MBIP: variants seen among roughly 807,000 people sequenced by gnomAD.
MBIP encodes MAP3K12 binding inhibitory protein 1.
Under a neutral mutation model 45.7 loss-of-function variants are expected in MBIP, and 32 were observed. That is an observed-to-expected ratio of 0.70 (90% CI 0.53 to 0.94). The LOEUF is 0.94. Ranked by LOEUF, MBIP falls within the 40% of genes least tolerant of loss-of-function variation. The pLI is 0.00. For missense variants in MBIP, 381 were observed against 405.5 expected, an observed-to-expected ratio of 0.94 and a Z score of 0.52; for synonymous variants, 145 against 141.0, an observed-to-expected ratio of 1.03 and a Z score of -0.20.
chr14:36,304,486 T>G (rs1383759356), intron 7 of MBIP, among the ~76,000 whole-genome samples: 2 of 152,212 alleles, frequency 1.3e-5, no homozygotes, highest in Non-Finnish European at 2.9e-5. Context: ...TACTTACTGT[T>G]TTCAAGTATC....
Position 36,314,518 on chromosome 14 carries a change from T to C in MBIP, c.565A>G (p.Asn189Asp). The C allele has an allele frequency of 2.5e-6, 4 of 1,602,064 alleles. No individual in the cohort carries two copies. Among genetic ancestry groups the C allele is most frequent in the Non-Finnish European group, 3.4e-6 (4 of 1,174,188 alleles). Residue 189 changes from asparagine to aspartate, a missense_variant, in exon 4 of 9, where the codon AAT becomes GAT. By Grantham distance (23) the Asn-to-Asp change is conservative. Transcript: ENST00000416007. ...TTAATTTCCAGGTAGTTACCTTGAT[T>C]ACAATCAATAACATTGCAAAATTCC... ...VREFCNVIDC[N>D]QENSCARTDA...
intron 4 of MBIP, 29 bp downstream of exon 4, chr14:36,314,479 AAACC>A: frequency 7.2e-7 from 1 of 1,398,558 alleles, no homozygotes; most frequent in Non-Finnish European, 9.9e-7. Context: ...ATTGTGCTTA[AAACC>A]CTATGAAAAT....
At position 36,314,608 on chromosome 14, in the gene MBIP, T is replaced by C; in HGVS notation, c.475A>G (p.Ile159Val). ...ATAAATGCAGATATTCGTCTGTCAA[T>C]CTACAAACAACAAGTTTTAACAGTG... ...VVQIKAGKAE[I>V]DRRISAFIER... The change falls in exon 4 of 9, where the codon ATT becomes GTT. Residue 159 changes from isoleucine to valine, a missense_variant and splice_region_variant. Transcript: ENST00000416007. The C allele has an allele frequency of 1.2e-6, 2 of 1,610,004 alleles. No homozygotes were observed. Among genetic ancestry groups the C allele is most frequent in the Admixed American group, 1.7e-5 (1 of 59,402 alleles).
At chr14:36,304,190 G>A (rs1392544489) in intron 7 of MBIP, among the ~76,000 whole-genome samples, 1 of 152,004 alleles carries the variant, frequency 6.6e-6, no homozygotes, top group East Asian at 1.9e-4. Flanking sequence ...CCCCTCCCCC[G>A]ATACTTCCCT....
rs79987603 is a variant in MBIP, at chr14:36,300,830, TA to T, written c.889-8del. On this transcript the variant is annotated splice_polypyrimidine_tract_variant and splice_region_variant and intron_variant, in intron 7 of 8. Coordinates refer to ENST00000416007, the MANE Select transcript of MBIP (RefSeq NM_016586.3). ...TTCTTTTTCCAGAAAAGCTCTAGATTAAAAAAAAAAAGGTAATGTTTAGAAA... is the reference window on the plus strand; with the variant it reads ...TTCTTTTTCCAGAAAAGCTCTAGATTAAAAAAAAAAGGTAATGTTTAGAAA... 90,194 of 1,039,586 alleles carry T rather than the reference TA, an allele frequency of 0.087. 1 individual carries two copies. The highest frequency in any genetic ancestry group is 0.13 in the South Asian group (6,730 of 53,414). The allele number at this position is 1,039,586 out of a possible 1,614,324, so 64.4% of individuals were successfully genotyped here. A position where few individuals can be genotyped will look rare whatever the true frequency, so the allele number is the denominator to read the frequency against.
intron 1 of MBIP, among the ~76,000 whole-genome samples, chr14:36,319,071 C>G (rs1291831506): frequency 6.6e-6 from 1 of 151,962 alleles, no homozygotes. Context: ...TTTACTTGTA[C>G]AGTACTTGAA....
chr14:36,301,282 A>G lies in MBIP; in HGVS notation c.889-459T>C, dbSNP rs17104332. The stretch of plus-strand genomic sequence containing the variant: ...ACACACCCTGGACTGACTATAGTAG[A>G]CACTGTGGTTGTTTATGCAAGCAGC... On this transcript the variant is annotated intron_variant, in intron 7 of 8. Coordinates refer to ENST00000416007, the MANE Select transcript of MBIP (RefSeq NM_016586.3). Among the ~76,000 whole-genome samples, 442 of 152,314 alleles carry G rather than the reference A, an allele frequency of 2.9e-3. 2 individuals carry two copies. The highest frequency in any genetic ancestry group is 0.01 in the African/African-American group (428 of 41,570).
intron 7 of MBIP, among the ~76,000 whole-genome samples, chr14:36,302,457 A>T (rs1262426182): frequency 7.0e-6 from 1 of 142,166 alleles, no homozygotes; most frequent in Non-Finnish European, 1.5e-5. Context: ...GCACCACTGC[A>T]CTCCAGCCTG....
chr14:36,299,642 T>G (rs1879417504), intron 8 of MBIP, among the ~76,000 whole-genome samples: 1 of 151,900 alleles, frequency 6.6e-6, no homozygotes, highest in Non-Finnish European at 1.5e-5. Context: ...ACCCTTGAGC[T>G]TAAGTAAAAG....
intron 2 of MBIP, among the ~76,000 whole-genome samples, chr14:36,315,769 A>C (rs1880531454): frequency 6.6e-6 from 1 of 152,134 alleles, no homozygotes; most frequent in Non-Finnish European, 1.5e-5. Flanking sequence ...TTTCCCACAA[A>C]GTCAATGAAT....
intron 5 of MBIP, 32 bp from the exon 6 acceptor site, chr14:36,311,757 T>A: frequency 6.5e-7 from 1 of 1,537,860 alleles, no homozygotes; most frequent in Non-Finnish European, 8.8e-7. Context: ...CCTATATACA[T>A]TTGTATTTCA....
chr14:36,308,908 G>A (rs535502543), intron 6 of MBIP, among the ~76,000 whole-genome samples: 1 of 152,078 alleles, frequency 6.6e-6, no homozygotes, highest in Admixed American at 6.5e-5. Context: ...ATATAAGTTA[G>A]ATCACATCAT....
Position 36,298,852 on chromosome 14 carries a change from C to T in MBIP, c.*231G>A, listed in dbSNP as rs1879356530. The T allele has an allele frequency of 5.5e-6, 2 of 361,108 alleles. No individual in the cohort carries two copies. The highest frequency in any genetic ancestry group is 1.0e-5 in the Non-Finnish European group (2 of 200,284). The allele number at this position is 361,108 out of a possible 1,614,324, so 22.4% of individuals were successfully genotyped here. On this transcript the variant is annotated 3_prime_UTR_variant, in exon 9 of 9. Transcript: ENST00000416007. ...AGTTTTTCAATTTCCAAAATACCTCCTTTAAAACAGAAGGGAATAAATTCC... is the reference window on the plus strand; with the variant it reads ...AGTTTTTCAATTTCCAAAATACCTCTTTTAAAACAGAAGGGAATAAATTCC...
chr14:36,314,971 C>G (rs756593868), intron 2 of MBIP, 56 bp from the exon 3 acceptor site: 1 of 977,926 alleles, frequency 1.0e-6, no homozygotes, highest in South Asian at 1.4e-5. Context: ...ATTAATTACA[C>G]ACTTAATATA....
At position 36,316,962 on chromosome 14, in the gene MBIP, T is replaced by A. The variant is rs1880612259; in HGVS notation, c.130-150A>T. 4 of 709,696 alleles carry A rather than the reference T, an allele frequency of 5.6e-6. No homozygotes were observed. In the South Asian group the frequency reaches 1.2e-4, roughly 21 times the overall value. 44.0% of individuals were successfully genotyped at this position (709,696 alleles called of 1,614,324 possible). On this transcript the variant is annotated intron_variant, in intron 1 of 8. Coordinates refer to ENST00000416007, the MANE Select transcript of MBIP (RefSeq NM_016586.3). ...TAATACACTGAAATGCTCTACCCAG[T>A]TACCATTTCAAAAGGCCAAGAAAGC...
chr14:36,312,535 A>G (rs1294178574), intron 4 of MBIP, among the ~76,000 whole-genome samples: 2 of 152,108 alleles, frequency 1.3e-5, no homozygotes, highest in African/African-American at 4.8e-5. Flanking sequence ...TTTCCACTCT[A>G]CCTAGATTTC....
intron 6 of MBIP, among the ~76,000 whole-genome samples, chr14:36,309,778 C>T (rs1035720294): frequency 1.3e-5 from 2 of 152,174 alleles, no homozygotes; most frequent in Non-Finnish European, 2.9e-5. Context: ...CGCATAAAGG[C>T]TCCTTGTGCC....
Position 36,299,309 on chromosome 14 carries a change from T to C in MBIP, c.928-119A>G, listed in dbSNP as rs1594502573. On this transcript the variant is annotated intron_variant, in intron 8 of 8. Transcript: ENST00000416007. ...CAAAAGCATGATCAAATGGTTTTTT[T>C]CCCTCATGAGAATAATCTTAAAACT... 8.9e-6 allele frequency: 6 copies of C among 674,086 alleles called. No homozygotes were observed. The South Asian group carries it at 9.9e-5, about 11-fold the overall frequency. 41.8% of individuals were successfully genotyped at this position (674,086 alleles called of 1,614,324 possible).
chr14:36,314,345 T>C (rs1372223608), intron 4 of MBIP, 167 bp downstream of exon 4: 1 of 528,704 alleles, frequency 1.9e-6, no homozygotes, highest in Non-Finnish European at 3.3e-6. Flanking sequence ...TGCAATATAG[T>C]CTATTATTAA....
Sources: allele counts gnomAD v4.1 joint callset (sites outside exome capture counted in the v4.1 genomes callset), GRCh38; gene constraint gnomAD v4.1.1; transcripts MANE v1.5; gene names NCBI Gene and HGNC (gene_info 2026-07-23, HGNC 2026-07-21).